ADAMTSL1: variants seen among roughly 807,000 people sequenced by gnomAD.
The protein encoded by ADAMTSL1 is ADAMTS-like protein 1.
Under a neutral mutation model 201.8 loss-of-function variants are expected in ADAMTSL1, and 126 were observed. The ratio of observed to expected loss-of-function variants is 0.62; its 90% CI spans 0.54 to 0.72. The LOEUF (loss-of-function observed/expected upper bound fraction) is 0.72. ADAMTSL1 is among the 30% of genes least tolerant of loss of function. ADAMTSL1 has a pLI of 0.00. For missense variants in ADAMTSL1, 2,679 were observed against 2,277.8 expected, an observed-to-expected ratio of 1.18 and a Z score of -3.59; for synonymous variants, 1,121 against 903.4, an observed-to-expected ratio of 1.24 and a Z score of -4.32.
chr9:18,029,707 A>G (rs1820857364), intron 1 of ADAMTSL1, among the ~76,000 whole-genome samples: 1 of 152,142 alleles, frequency 6.6e-6, no homozygotes, highest in Non-Finnish European at 1.5e-5. Context: ...ACAAGAAAAA[A>G]ACAAACAACC....
intron 20 of ADAMTSL1, among the ~76,000 whole-genome samples, chr9:18,807,961 G>T (rs1823271021): frequency 6.6e-6 from 1 of 152,172 alleles, no homozygotes; most frequent in East Asian, 1.9e-4. Flanking sequence ...TCACGTGGCA[G>T]TCATCACACA....
At chr9:18,422,196 C>A (rs1174910898) in intron 2 of ADAMTSL1, among the ~76,000 whole-genome samples, 2 of 152,176 alleles carry the variant, frequency 1.3e-5, no homozygotes, top group Non-Finnish European at 2.9e-5. Context: ...CACACACACA[C>A]ACAAGCCACC....
intron 16 of ADAMTSL1, among the ~76,000 whole-genome samples, chr9:18,764,880 T>C (rs973879379): frequency 3.3e-5 from 5 of 152,234 alleles, no homozygotes; most frequent in African/African-American, 1.2e-4. Context: ...TACATACCTA[T>C]ATACTGTTGG....
intron 2 of ADAMTSL1, among the ~76,000 whole-genome samples, chr9:18,341,852 T>G (rs2132968360): frequency 6.6e-6 from 1 of 152,260 alleles, no homozygotes; most frequent in Admixed American, 6.5e-5. Flanking sequence ...GGGAGAGAAC[T>G]GAACCAAGTG....
chr9:18,745,295 T>C (rs1209727695), intron 15 of ADAMTSL1, among the ~76,000 whole-genome samples: 10 of 152,248 alleles, frequency 6.6e-5, no homozygotes, highest in Admixed American at 6.5e-4. Flanking sequence ...AAGGTAGTTT[T>C]CTCTTCTCTC....
intron 1 of ADAMTSL1, among the ~76,000 whole-genome samples, chr9:18,479,596 A>G (rs562831350): frequency 7.2e-5 from 11 of 152,142 alleles, no homozygotes; most frequent in Non-Finnish European, 1.5e-4. Flanking sequence ...TTTTATATGT[A>G]ATTTTTATAG....
intron 2 of ADAMTSL1, among the ~76,000 whole-genome samples, chr9:18,357,611 G>A (rs1836310611): frequency 6.6e-6 from 1 of 151,974 alleles, no homozygotes; most frequent in Non-Finnish European, 1.5e-5. Flanking sequence ...TTCAGAATCT[G>A]AATCTAGTTC....
chr9:18,415,475 G>A (rs969533439), intron 2 of ADAMTSL1, among the ~76,000 whole-genome samples: 2 of 152,016 alleles, frequency 1.3e-5, no homozygotes, highest in Non-Finnish European at 2.9e-5. Flanking sequence ...TCAACTAAAA[G>A]ATATACTAAT....
intron 2 of ADAMTSL1, among the ~76,000 whole-genome samples, chr9:18,440,982 G>T (rs1174869273): frequency 6.6e-6 from 1 of 152,026 alleles, no homozygotes; most frequent in East Asian, 1.9e-4. Flanking sequence ...ATATTATTTA[G>T]CCATAAAAAG....
intron 1 of ADAMTSL1, among the ~76,000 whole-genome samples, chr9:18,139,521 A>G (rs1044070953): frequency 6.6e-6 from 1 of 152,182 alleles, no homozygotes; most frequent in Non-Finnish European, 1.5e-5. Context: ...AACCCCTGAG[A>G]AAATCCACAG....
chr9:17,968,252 G>T (rs1440490471), intron 1 of ADAMTSL1, among the ~76,000 whole-genome samples: 1 of 152,092 alleles, frequency 6.6e-6, no homozygotes, highest in Non-Finnish European at 1.5e-5. Flanking sequence ...GGAAGGCATT[G>T]TGCCACTAGC....
Position 18,327,165 on chromosome 9 carries a change from GC to G in ADAMTSL1, c.207+163185del, listed in dbSNP as rs746989430. 6.3e-3 allele frequency among the ~76,000 whole-genome samples: 957 copies of G among 152,308 alleles called. 3 individuals carry two copies. The highest frequency in any genetic ancestry group is 0.01 in the Non-Finnish European group (698 of 68,024). On this transcript the variant is annotated intron_variant, in intron 2 of 29. Transcript: ENST00000680146. The stretch of plus-strand genomic sequence containing the variant: ...GTTATATGCAGCTTCTTTCTAAAGA[GC>G]AGTGACACTCTTGTTTCTGTAATAA...
chr9:18,246,594 T>G (rs1280372563), intron 2 of ADAMTSL1, among the ~76,000 whole-genome samples: 1 of 152,204 alleles, frequency 6.6e-6, no homozygotes, highest in Non-Finnish European at 1.5e-5. Flanking sequence ...TTTATAACAG[T>G]GCTCTAAAGT....
chr9:17,950,605 C>G (rs1450553011), intron 1 of ADAMTSL1, among the ~76,000 whole-genome samples: 3 of 151,870 alleles, frequency 2.0e-5, no homozygotes, highest in Non-Finnish European at 4.4e-5. Context: ...TTTATGATCT[C>G]TCATACTGAT....
chr9:18,575,017 A>G (rs1299002252), intron 4 of ADAMTSL1, among the ~76,000 whole-genome samples: 1 of 152,160 alleles, frequency 6.6e-6, no homozygotes, highest in Non-Finnish European at 1.5e-5. Flanking sequence ...GTATTTGACT[A>G]TATGCTTTTA....
chr9:18,652,454 T>A (rs994356597), intron 7 of ADAMTSL1, among the ~76,000 whole-genome samples: 1 of 151,894 alleles, frequency 6.6e-6, no homozygotes, highest in Non-Finnish European at 1.5e-5. Context: ...ATACAATTAG[T>A]CCTCTACTTA....
chr9:18,807,612 C>T (rs927228671), intron 20 of ADAMTSL1, among the ~76,000 whole-genome samples: 2 of 149,860 alleles, frequency 1.3e-5, no homozygotes, highest in East Asian at 2.0e-4. Context: ...CACCACTGCA[C>T]TCCAGCCAGG....
chr9:18,375,855 C>A (rs1416067555), intron 2 of ADAMTSL1, among the ~76,000 whole-genome samples: 2 of 152,178 alleles, frequency 1.3e-5, no homozygotes, highest in Non-Finnish European at 2.9e-5. Flanking sequence ...GTCCATTTTA[C>A]AGACTGCTGA....
chr9:18,849,663 G>A (rs894119271), intron 23 of ADAMTSL1, among the ~76,000 whole-genome samples: 1 of 152,138 alleles, frequency 6.6e-6, no homozygotes, highest in Non-Finnish European at 1.5e-5. Context: ...GGAAAGGGAA[G>A]GACTCATGTC....
Sources: gnomAD v4.1 joint callset for allele counts (sites outside exome capture counted in the v4.1 genomes callset) on GRCh38, gnomAD v4.1.1 for gene constraint, MANE v1.5 for transcripts, NCBI Gene and HGNC (gene_info 2026-07-23, HGNC 2026-07-21) for gene names.